Variants in CNTNAP2 observed in about 807,000 individuals in gnomAD.
CNTNAP2 encodes the protein contactin associated protein 2, also known as contactin-associated protein-like 2.
In CNTNAP2, 98 loss-of-function variants were observed where a neutral mutation model predicts 155.2. That is an observed-to-expected ratio of 0.63 (90% CI 0.54 to 0.75). The LOEUF (loss-of-function observed/expected upper bound fraction) is 0.75, where lower values mean the gene tolerates loss of function less well. Ranked by LOEUF, CNTNAP2 falls within the 30% of genes least tolerant of loss-of-function variation. CNTNAP2 has a pLI of 0.00. For missense variants in CNTNAP2, 1,727 were observed against 1,688.1 expected (o/e 1.02, Z -0.40); for synonymous variants, 651 against 631.2 (o/e 1.03, Z -0.47).
At chr7:147,358,963 C>G (rs946423291) in intron 9 of CNTNAP2, among the ~76,000 whole-genome samples, 5 of 152,082 alleles carry the variant, frequency 3.3e-5, no homozygotes, top group Non-Finnish European at 7.4e-5. Flanking sequence ...ATAGTGTTTT[C>G]TAAAGGGATT....
rs1330524874 is a variant in CNTNAP2, at chr7:146,974,070, G to A, written c.403-69837G>A. ...TCACTTTTACCGGATGCTGGGGTGT[G>A]TGGACTGATACCCAGAATAATCATA... is the stretch of plus-strand genomic sequence containing the variant. On this transcript the variant is annotated intron_variant, in intron 3 of 23. Coordinates refer to ENST00000361727, the MANE Select transcript of CNTNAP2 (RefSeq NM_014141.6). Among the ~76,000 whole-genome samples the A allele has an allele frequency of 1.3e-5, 2 of 152,174 alleles. 1 individual carries two copies. The highest frequency in any genetic ancestry group is 4.1e-4 in the South Asian group (2 of 4,828).
chr7:147,225,703 G>A (rs1803505634), intron 8 of CNTNAP2, among the ~76,000 whole-genome samples: 1 of 150,490 alleles, frequency 6.6e-6, no homozygotes, highest in Admixed American at 6.7e-5. Context: ...TTGGAGACTG[G>A]AATTCTTTTC....
In CNTNAP2 at chr7:147,712,517, C is replaced by A. The variant is rs372506309; in HGVS notation, c.2098+73211C>A. ...AATCCAAATGCCCATCAATGATAGA[C>A]TGGATTAAGCAAACGTGGCACATAT... On this transcript the variant is annotated intron_variant, in intron 13 of 23. Coordinates refer to ENST00000361727, the MANE Select transcript of CNTNAP2 (RefSeq NM_014141.6). Among the ~76,000 whole-genome samples, 144 of 152,284 alleles carry A rather than the reference C, an allele frequency of 9.5e-4. 4 individuals are homozygous for A. The South Asian group carries it at 0.028, about 30-fold the overall frequency.
chr7:146,317,165 G>C (rs1800921419), intron 1 of CNTNAP2, among the ~76,000 whole-genome samples: 1 of 151,936 alleles, frequency 6.6e-6, no homozygotes, highest in Admixed American at 6.6e-5. Context: ...TGATTATAAT[G>C]TTCTTTATAA....
rs1160619194 is a variant in CNTNAP2, at chr7:147,254,573, T to G, written c.1349-45568T>G. 3.3e-5 allele frequency among the ~76,000 whole-genome samples: 5 copies of G among 152,212 alleles called. No homozygotes were observed. The East Asian group carries it at 9.6e-4, about 29-fold the overall frequency. ...AATAATGGAGAAATGTGTTAAACTT[T>G]TAGTTAAATGTGTGTCAAAGTTTAA... On this transcript the variant is annotated intron_variant, in intron 8 of 23. Transcript: ENST00000361727.
At chr7:147,420,662 A>G (rs1461784937) in intron 10 of CNTNAP2, among the ~76,000 whole-genome samples, 3 of 152,234 alleles carry the variant, frequency 2.0e-5, no homozygotes, top group Admixed American at 6.5e-5. Context: ...TCATTTAAAT[A>G]AATAGATTTT....
At chr7:148,362,103 G>T (rs1451022081) in intron 21 of CNTNAP2, among the ~76,000 whole-genome samples, 1 of 152,126 alleles carries the variant, frequency 6.6e-6, no homozygotes, top group East Asian at 1.9e-4. Flanking sequence ...CAGCTACTTG[G>T]GAGGCTGAGG....
rs1584848031 is a variant in CNTNAP2 at position 147,108,001 on chromosome 7, A to T, written c.551-146A>T. The T allele has an allele frequency of 4.3e-6, 3 of 703,026 alleles. No individual in the cohort carries two copies. In the East Asian group the frequency reaches 8.2e-5, roughly 19 times the overall value. The allele number at this position is 703,026 out of a possible 1,614,324, so 43.5% of individuals were successfully genotyped here. ...CTTTAAAACAAACACAGTAAATCAA[A>T]AGAAGGAATAGAAGAAAAACAGAGG... is the stretch of plus-strand genomic sequence containing the variant. On this transcript the variant is annotated intron_variant, in intron 4 of 23. Transcript: ENST00000361727.
intron 21 of CNTNAP2, among the ~76,000 whole-genome samples, chr7:148,288,661 T>C (rs1433935423): frequency 6.6e-6 from 1 of 152,176 alleles, no homozygotes; most frequent in Admixed American, 6.5e-5. Context: ...ATATATTACC[T>C]AATAATTTTT....
chr7:146,602,917 A>G (rs963467062), intron 1 of CNTNAP2, among the ~76,000 whole-genome samples: 2 of 143,864 alleles, frequency 1.4e-5, no homozygotes, highest in Non-Finnish European at 3.1e-5. Flanking sequence ...TCCATGTTCC[A>G]TCTCTTCCGT....
rs555249939 is a variant in CNTNAP2 at position 146,295,575 on chromosome 7, C to T, written c.97+178602C>T. ...TAAATACATATTATACCCCCATTCACCCATTAAAATATTTTTTCTTGCTAA... is the reference window on the plus strand; with the variant it reads ...TAAATACATATTATACCCCCATTCATCCATTAAAATATTTTTTCTTGCTAA... On this transcript the variant is annotated intron_variant, in intron 1 of 23. Coordinates refer to ENST00000361727, the MANE Select transcript of CNTNAP2 (RefSeq NM_014141.6). 6.4e-4 allele frequency among the ~76,000 whole-genome samples: 97 copies of T among 152,068 alleles called. 1 individual carries two copies. In the Middle Eastern group the frequency reaches 0.014, roughly 21 times the overall value.
chr7:147,378,222 A>C, intron 9 of CNTNAP2: 1 of 284,972 alleles, frequency 3.5e-6, no homozygotes, highest in Non-Finnish European at 6.9e-6. Context: ...TCAGTTTACA[A>C]ACTCACTCTG....
intron 1 of CNTNAP2, among the ~76,000 whole-genome samples, chr7:146,375,196 T>A (rs1795288536): frequency 1.3e-5 from 2 of 152,364 alleles, no homozygotes; most frequent in South Asian, 2.1e-4. Context: ...GTTACCAGAC[T>A]ATCTCTCAAC....
At chr7:148,096,581 T>C (rs1256587025) in intron 15 of CNTNAP2, among the ~76,000 whole-genome samples, 1 of 152,026 alleles carries the variant, frequency 6.6e-6, no homozygotes, top group Non-Finnish European at 1.5e-5. Context: ...GTTTGGTTGA[T>C]GAATAGTGAG....
intron 17 of CNTNAP2, among the ~76,000 whole-genome samples, chr7:148,151,757 TCACTTC>T (rs1304618808): frequency 6.6e-6 from 1 of 152,218 alleles, no homozygotes; most frequent in Non-Finnish European, 1.5e-5. Context: ...TGAAATGTGA[TCACTTC>T]CACTCACCAA....
At chr7:147,870,528 G>A (rs146751648) in intron 13 of CNTNAP2, among the ~76,000 whole-genome samples, 11 of 152,292 alleles carry the variant, frequency 7.2e-5, no homozygotes, top group African/African-American at 2.4e-4. Context: ...AAGTTGAGAG[G>A]CCATGTTACT....
intron 21 of CNTNAP2, among the ~76,000 whole-genome samples, chr7:148,301,425 G>A (rs991431644): frequency 1.3e-5 from 2 of 150,058 alleles, no homozygotes; most frequent in African/African-American, 4.9e-5. Context: ...GACATTATCT[G>A]TGAAATAAAT....
intron 15 of CNTNAP2, among the ~76,000 whole-genome samples, chr7:148,048,895 A>G (rs1424330597): frequency 6.6e-6 from 1 of 152,126 alleles, no homozygotes; most frequent in Non-Finnish European, 1.5e-5. Flanking sequence ...CAAGTCTAAC[A>G]TATCAGTAAG....
intron 14 of CNTNAP2, among the ~76,000 whole-genome samples, chr7:147,976,001 G>C (rs1394243223): frequency 1.3e-5 from 2 of 151,996 alleles, no homozygotes. Context: ...TACCTCTGTA[G>C]TTGCATCATA....
Sources: allele counts gnomAD v4.1 joint callset (sites outside exome capture counted in the v4.1 genomes callset), GRCh38; gene constraint gnomAD v4.1.1; transcripts MANE v1.5; gene names NCBI Gene and HGNC (gene_info 2026-07-23, HGNC 2026-07-21).